NFIB: variants seen among roughly 807,000 people sequenced by gnomAD.
NFIB encodes nuclear factor 1 B-type.
Under a neutral mutation model 61.5 loss-of-function variants are expected in NFIB, and 11 were observed. That is an observed-to-expected ratio of 0.18 (90% confidence interval 0.11 to 0.30). NFIB has a LOEUF of 0.30. Among genes scored for constraint, NFIB ranks in the 10% least tolerant of loss-of-function variants. NFIB has a pLI of 1.00. For synonymous variants in NFIB, 260 were observed against 216.5 expected, an observed-to-expected ratio of 1.20 and a Z score of -1.76; for missense variants, 471 against 608.9, an observed-to-expected ratio of 0.77 and a Z score of 2.38.
chr9:14,326,135 A>G (rs909293702), intron 1 of NFIB, among the ~76,000 whole-genome samples: 4 of 152,200 alleles, frequency 2.6e-5, no homozygotes, highest in African/African-American at 9.6e-5. Context: ...GTGCATGTCT[A>G]GTGTATTGTC....
chr9:14,500,399 T>C, the NFIB span, among the ~76,000 whole-genome samples: 1 of 152,064 alleles, frequency 6.6e-6, no homozygotes, highest in African/African-American at 2.4e-5. Context: ...TGTAAAACAA[T>C]TAGAAGATGG....
intron 2 of NFIB, among the ~76,000 whole-genome samples, chr9:14,298,967 A>T (rs560647580): frequency 1.3e-5 from 2 of 152,346 alleles, no homozygotes; most frequent in South Asian, 4.1e-4. Context: ...CTTTTAACAT[A>T]GCATAGCAAA....
intron 4 of NFIB, among the ~76,000 whole-genome samples, chr9:14,153,312 C>A (rs1379470024): frequency 2.0e-5 from 3 of 152,014 alleles, no homozygotes; most frequent in Non-Finnish European, 4.4e-5. Flanking sequence ...AAACAACACA[C>A]ATGGAAATTA....
intron 1 of NFIB, chr9:14,357,302 G>C (rs2061187217): frequency 6.6e-6 from 1 of 152,076 alleles, no homozygotes; most frequent in Non-Finnish European, 1.5e-5. Flanking sequence ...CAGAGACTAA[G>C]GTTTTATTTT....
intron 1 of NFIB, among the ~76,000 whole-genome samples, chr9:14,339,477 T>C (rs1265644282): frequency 6.6e-6 from 1 of 152,214 alleles, no homozygotes; most frequent in African/African-American, 2.4e-5. Context: ...ATTCTGCCTT[T>C]TCCAGAACAA....
intron 2 of NFIB, among the ~76,000 whole-genome samples, chr9:14,237,734 A>C (rs142738545): frequency 9.9e-4 from 148 of 149,446 alleles, no homozygotes; most frequent in African/African-American, 3.7e-3. Context: ...TTATTGATCT[A>C]CCAAGCTCCT....
the NFIB span, among the ~76,000 whole-genome samples, chr9:14,521,804 T>C: frequency 6.6e-6 from 1 of 152,196 alleles, no homozygotes; most frequent in African/African-American, 2.4e-5. Context: ...ATTGAGGTGC[T>C]ATCCCTTGCG....
intron 3 of NFIB, among the ~76,000 whole-genome samples, chr9:14,157,803 T>C (rs1308888115): frequency 6.6e-6 from 1 of 152,144 alleles, no homozygotes; most frequent in East Asian, 1.9e-4. Flanking sequence ...TATAGTTCAT[T>C]ATACTTTATT....
chr9:14,492,082 A>C, the NFIB span, among the ~76,000 whole-genome samples: 1 of 152,144 alleles, frequency 6.6e-6, no homozygotes, highest in East Asian at 1.9e-4. Context: ...AAGAAAAGAG[A>C]GCCGAGCGCG....
intron 10 of NFIB, 51 bp downstream of exon 10, chr9:14,112,948 A>C (rs2037598092): frequency 1.3e-6 from 2 of 1,522,170 alleles, no homozygotes; most frequent in African/African-American, 2.8e-5. Context: ...ATGGAGAAGC[A>C]CGGAAGCGAA....
At chr9:14,407,591 T>C in the NFIB span, among the ~76,000 whole-genome samples, 1 of 152,156 alleles carries the variant, frequency 6.6e-6, no homozygotes, top group Non-Finnish European at 1.5e-5. Context: ...AAAACATGAA[T>C]TAAAGATAAT....
the NFIB span, among the ~76,000 whole-genome samples, chr9:14,483,101 G>A: frequency 3.3e-5 from 5 of 152,176 alleles, no homozygotes; most frequent in African/African-American, 9.7e-5. Flanking sequence ...GGGCTATGAA[G>A]TGAATCATAA....
At chr9:14,182,708 C>CTCTCTCTCTGTGTGTG (rs778914837) in intron 2 of NFIB, among the ~76,000 whole-genome samples, 42 of 97,000 alleles carry the variant, frequency 4.3e-4, no homozygotes, top group Non-Finnish European at 6.4e-4. Context: ...CTCTCTCTCT[C>CTCTCTCTCTGTGTGTG]TGTGTGTGTG....
At chr9:14,169,998 C>T (rs557639253) in intron 3 of NFIB, among the ~76,000 whole-genome samples, 7 of 152,282 alleles carry the variant, frequency 4.6e-5, no homozygotes, top group African/African-American at 9.6e-5. Flanking sequence ...TAAAACTCCT[C>T]GGGTAATTAG....
chr9:14,106,305 T>C (rs1357445617), intron 10 of NFIB, among the ~76,000 whole-genome samples: 1 of 152,134 alleles, frequency 6.6e-6, no homozygotes, highest in Non-Finnish European at 1.5e-5. Context: ...TATAAATCAT[T>C]TTAATCCTTT....
intron 2 of NFIB, among the ~76,000 whole-genome samples, chr9:14,248,879 G>C (rs760905191): frequency 1.3e-5 from 2 of 152,162 alleles, no homozygotes; most frequent in South Asian, 4.1e-4. Flanking sequence ...CTCTTTGCCC[G>C]AGAAGTAAGG....
At chr9:14,496,791 A>C in the NFIB span, among the ~76,000 whole-genome samples, 1 of 152,308 alleles carries the variant, frequency 6.6e-6, no homozygotes, top group South Asian at 2.1e-4. Flanking sequence ...TAGCCAATAA[A>C]CACTGGCATG....
At chr9:14,525,289 C>A in the NFIB span, among the ~76,000 whole-genome samples, 1 of 152,156 alleles carries the variant, frequency 6.6e-6, no homozygotes, top group Non-Finnish European at 1.5e-5. Flanking sequence ...TTAGTTATAA[C>A]CCAGATCATA....
intron 6 of NFIB, among the ~76,000 whole-genome samples, chr9:14,128,890 T>C (rs894036838): frequency 2.0e-5 from 3 of 152,160 alleles, no homozygotes; most frequent in African/African-American, 7.2e-5. Flanking sequence ...GGTGTTTATA[T>C]AGAAGTTGAA....
Sources: allele counts gnomAD v4.1 joint callset (sites outside exome capture counted in the v4.1 genomes callset), GRCh38; gene constraint gnomAD v4.1.1; transcripts MANE v1.5; gene names NCBI Gene and HGNC (gene_info 2026-07-23, HGNC 2026-07-21).